UBR1: variants seen among roughly 807,000 people sequenced by gnomAD.
The protein encoded by UBR1 is ubiquitin protein ligase E3 component n-recognin 1.
Under a neutral mutation model 242.1 loss-of-function variants are expected in UBR1, and 102 were observed. The observed-to-expected ratio is 0.42, with a 90% CI of 0.36 to 0.50. The LOEUF (loss-of-function observed/expected upper bound fraction) is 0.50. Ranked by LOEUF, UBR1 falls within the 20% of genes least tolerant of loss-of-function variation. UBR1 has a pLI of 0.01. For synonymous variants in UBR1, 675 were observed against 684.8 expected, an observed-to-expected ratio of 0.99 and a Z score of 0.22; for missense variants, 1,772 against 2,101.8, an observed-to-expected ratio of 0.84 and a Z score of 3.07.
At chr15:43,080,713 G>C (rs2033965374) in intron 3 of UBR1, among the ~76,000 whole-genome samples, 1 of 151,968 alleles carries the variant, frequency 6.6e-6, no homozygotes, top group Non-Finnish European at 1.5e-5. Context: ...CCAGCAATTT[G>C]GGAGGCCGAG....
intron 5 of UBR1, 147 bp downstream of exon 5, chr15:43,070,648 C>G (rs1213853818): frequency 7.9e-7 from 1 of 1,258,686 alleles, no homozygotes; most frequent in Non-Finnish European, 1.1e-6. Flanking sequence ...TACAAACGGA[C>G]ATTTTGAAAT....
chr15:42,975,542 G>A (rs1250119286), intron 39 of UBR1, among the ~76,000 whole-genome samples: 2 of 152,030 alleles, frequency 1.3e-5, no homozygotes, highest in African/African-American at 2.4e-5. Flanking sequence ...TCCTAGAAAT[G>A]GAGTTGGTGT....
At chr15:43,051,968 ATCTCTTT>A (rs2033562714) in intron 12 of UBR1, among the ~76,000 whole-genome samples, 1 of 152,210 alleles carries the variant, frequency 6.6e-6, no homozygotes, top group South Asian at 2.1e-4. Context: ...GTTCAACTGC[ATCTCTTT>A]TCTAAGTTGC....
At chr15:42,972,476 C>A (rs1471257995) in intron 39 of UBR1, among the ~76,000 whole-genome samples, 1 of 152,102 alleles carries the variant, frequency 6.6e-6, no homozygotes, top group African/African-American at 2.4e-5. Flanking sequence ...TCCAGCGATT[C>A]TCCTGCCTCA....
intron 22 of UBR1, among the ~76,000 whole-genome samples, chr15:43,027,054 G>C (rs2033187818): frequency 6.6e-6 from 1 of 151,920 alleles, no homozygotes; most frequent in Non-Finnish European, 1.5e-5. Flanking sequence ...TAAAACAGTA[G>C]GGAGACATCA....
At chr15:43,017,279 A>G in intron 27 of UBR1, 98 bp from the exon 28 acceptor site, 1 of 829,652 alleles carries the variant, frequency 1.2e-6, no homozygotes, top group Non-Finnish European at 2.0e-6. Context: ...TCATATCTCC[A>G]AATGTCTTTC....
chr15:43,013,283 T>A (rs535251476), intron 29 of UBR1, among the ~76,000 whole-genome samples: 21 of 152,314 alleles, frequency 1.4e-4, no homozygotes, highest in African/African-American at 4.8e-4. Context: ...ATATTTTAAA[T>A]TTCTTGGAAT....
intron 14 of UBR1, among the ~76,000 whole-genome samples, chr15:43,043,705 C>G (rs2033449072): frequency 1.3e-5 from 2 of 152,112 alleles, no homozygotes; most frequent in Non-Finnish European, 2.9e-5. Flanking sequence ...CCTTGACCTC[C>G]CAAAGTGCTA....
At position 43,060,114 on chromosome 15, in the gene UBR1, C is replaced by A. The variant is rs775556946; in HGVS notation, c.799G>T (p.Gly267Cys). Residue 267 changes from glycine to cysteine, a missense_variant and splice_region_variant, in exon 7 of 47, where the codon GGT (glycine) becomes TGT (cysteine). Physicochemically the swap from Gly to Cys is radical, Grantham distance 159. This residue lies in a region of UBR1 where 734 missense variants were observed against 893.3 expected (regional missense o/e 0.82). Transcript: ENST00000290650. ...QLHTTAIDKEGRRAVKAGAYA... is the reference protein window; with the variant it reads ...QLHTTAIDKECRRAVKAGAYA... ...GCTCCCGCTTTAACAGCCCGACGACCCTAATTATAGACAAAAGTGAGAATT... is the reference window on the plus strand; with the variant it reads ...GCTCCCGCTTTAACAGCCCGACGACACTAATTATAGACAAAAGTGAGAATT... 1 of 1,614,036 alleles carries A rather than the reference C, an allele frequency of 6.2e-7. No homozygotes were observed. Among genetic ancestry groups the A allele is most frequent in the Non-Finnish European group, 8.5e-7 (1 of 1,179,962 alleles).
chr15:43,004,188 T>A (rs906164101), intron 30 of UBR1, among the ~76,000 whole-genome samples: 1 of 152,262 alleles, frequency 6.6e-6, no homozygotes, highest in Non-Finnish European at 1.5e-5. Context: ...GGGTTTAATC[T>A]GCATTATCTT....
chr15:43,035,946 C>T (rs998589902), intron 19 of UBR1, among the ~76,000 whole-genome samples: 10 of 141,322 alleles, frequency 7.1e-5, no homozygotes, highest in Non-Finnish European at 1.4e-4. Flanking sequence ...GGGGGAGGGG[C>T]GAAGGATAGC....
At chr15:42,991,765 T>C (rs910941973) in intron 33 of UBR1, among the ~76,000 whole-genome samples, 4 of 151,980 alleles carry the variant, frequency 2.6e-5, no homozygotes, top group Non-Finnish European at 5.9e-5. Context: ...TGAAACAACA[T>C]AGCCTTGCTG....
intron 35 of UBR1, 147 bp downstream of exon 35, chr15:42,988,672 C>T (rs753213705): frequency 2.7e-4 from 287 of 1,061,200 alleles, no homozygotes; most frequent in Non-Finnish European, 3.8e-4. Context: ...GACCAAATGG[C>T]ATGAGCCACA....
chr15:43,009,724 G>T (rs1359799419), intron 29 of UBR1, among the ~76,000 whole-genome samples: 2 of 152,208 alleles, frequency 1.3e-5, no homozygotes, highest in Admixed American at 1.3e-4. Context: ...AGGTAATCTA[G>T]GCTCACAGTC....
At chr15:43,056,093 G>C (rs1488256816) in intron 11 of UBR1, among the ~76,000 whole-genome samples, 1 of 152,080 alleles carries the variant, frequency 6.6e-6, no homozygotes, top group South Asian at 2.1e-4. Context: ...AATATTTTTG[G>C]TATTGAAAAG....
At chr15:43,058,547 C>T (rs905711451) in intron 9 of UBR1, 118 bp from the exon 10 acceptor site, 2 of 666,114 alleles carry the variant, frequency 3.0e-6, no homozygotes, top group African/African-American at 3.7e-5. Flanking sequence ...GCAAACAGAC[C>T]TCAAATAGTA....
At chr15:42,950,118 T>C (rs1344496394) in intron 46 of UBR1, 144 bp downstream of exon 46, 2 of 787,686 alleles carry the variant, frequency 2.5e-6, no homozygotes, top group East Asian at 2.7e-5. Context: ...GGAATACAGG[T>C]ATAAGCCACG....
chr15:43,019,390 A>G (rs1465657495), intron 27 of UBR1, among the ~76,000 whole-genome samples: 1 of 151,366 alleles, frequency 6.6e-6, no homozygotes, highest in Non-Finnish European at 1.5e-5. Context: ...ATGCTTAAGG[A>G]CTGTTTCTAA....
At chr15:43,059,329 T>G (rs1367105253) in intron 8 of UBR1, 137 bp from the exon 9 acceptor site, 4 of 762,108 alleles carry the variant, frequency 5.2e-6, no homozygotes, top group Non-Finnish European at 9.1e-6. Context: ...CCTCTCACAG[T>G]GCTGGCATTA....
Sources: gnomAD v4.1 joint callset for allele counts (sites outside exome capture counted in the v4.1 genomes callset) on GRCh38, gnomAD v4.1.1 for gene constraint, gnomAD v4.1.1 regional missense constraint, MANE v1.5 for transcripts, NCBI Gene and HGNC (gene_info 2026-07-23, HGNC 2026-07-21) for gene names.